The following HCN1 variants were observed in gnomAD, a reference collection of about 807,000 sequenced individuals.
HCN1 encodes hyperpolarization activated cyclic nucleotide gated potassium channel 1.
In HCN1, 13 loss-of-function variants were observed where a neutral mutation model predicts 78.9. The observed-to-expected ratio is 0.16, with a 90% CI of 0.11 to 0.26. The LOEUF is 0.26. Ranked by LOEUF, HCN1 falls within the 10% of genes least tolerant of loss-of-function variation. The probability of loss-of-function intolerance (pLI) is 1.00; values close to 1 mark genes in which losing one functional copy is unlikely to be tolerated. For missense variants in HCN1, 810 were observed against 1,154.3 expected (o/e 0.70, Z 4.32); for synonymous variants, 552 against 455.5 (o/e 1.21, Z -2.70).
At chr5:45,360,540 C>T (rs1259879037) in intron 4 of HCN1, among the ~76,000 whole-genome samples, 1 of 151,970 alleles carries the variant, frequency 6.6e-6, no homozygotes, top group Non-Finnish European at 1.5e-5. Context: ...ATTCATTTAA[C>T]AAGTATTGTT....
At chr5:45,567,409 A>G (rs1743730061) in intron 2 of HCN1, among the ~76,000 whole-genome samples, 1 of 152,120 alleles carries the variant, frequency 6.6e-6, no homozygotes, top group South Asian at 2.1e-4. Context: ...GAATATCCAT[A>G]AAAAAGGAAG....
rs147799371 is a variant in HCN1 at position 45,316,978 on chromosome 5, G to T, written c.1378-13139C>A. On this transcript the variant is annotated intron_variant, in intron 5 of 7. Transcript: ENST00000303230. ...TAGGAAGAATCAATATTGTGTAAAT[G>T]GCCATACTGCCCAAGGTAACTTATT... Among the ~76,000 whole-genome samples the T allele has an allele frequency of 1.9e-3, 282 of 152,236 alleles. 3 individuals are homozygous for T. In the East Asian group the frequency reaches 0.019, roughly 10 times the overall value.
rs1010537360 is a variant in HCN1, at chr5:45,643,293, C to G, written c.849+1892G>C. On this transcript the variant is annotated intron_variant, in intron 2 of 7. Transcript: ENST00000303230. ...ATCCTGCTGCCATTCTCTAGGGTAA[C>G]TGGGCTAAAACCACAAGATATTAAA... 3.3e-5 allele frequency: 5 copies of G among 152,162 alleles called. No individual in the cohort carries two copies. In the East Asian group the frequency reaches 9.7e-4, roughly 29 times the overall value. 9.4% of individuals were successfully genotyped at this position (152,162 alleles called of 1,614,324 possible).
intron 5 of HCN1, among the ~76,000 whole-genome samples, chr5:45,317,192 C>A (rs1746012672): frequency 6.6e-6 from 1 of 152,156 alleles, no homozygotes; most frequent in Non-Finnish European, 1.5e-5. Flanking sequence ...GTAACCAAAA[C>A]AGCATGATAC....
intron 2 of HCN1, among the ~76,000 whole-genome samples, chr5:45,547,823 C>T (rs1743260045): frequency 6.6e-6 from 1 of 151,842 alleles, no homozygotes; most frequent in African/African-American, 2.4e-5. Context: ...AGAAAAGAGA[C>T]ATTCCACTAG....
At chr5:45,668,496 T>C (rs888731299) in intron 1 of HCN1, among the ~76,000 whole-genome samples, 8 of 151,946 alleles carry the variant, frequency 5.3e-5, no homozygotes, top group African/African-American at 1.4e-4. Flanking sequence ...TGTGAGTCAA[T>C]TAAATTTCTT....
intron 2 of HCN1, among the ~76,000 whole-genome samples, chr5:45,571,799 A>T (rs1007749464): frequency 2.0e-5 from 3 of 151,996 alleles, no homozygotes; most frequent in Non-Finnish European, 4.4e-5. Flanking sequence ...CTGTAATCCC[A>T]CCTATTTGGG....
intron 2 of HCN1, among the ~76,000 whole-genome samples, chr5:45,607,473 A>C (rs942306810): frequency 2.6e-5 from 4 of 151,534 alleles, no homozygotes; most frequent in Non-Finnish European, 5.9e-5. Context: ...GGAATGTAAA[A>C]TACAAGTTTG....
At chr5:45,319,814 C>A (rs1277810749) in intron 5 of HCN1, among the ~76,000 whole-genome samples, 3 of 151,632 alleles carry the variant, frequency 2.0e-5, no homozygotes, top group South Asian at 2.1e-4. Flanking sequence ...TACTCTGAAA[C>A]TTTAAGAAAT....
chr5:45,611,828 A>G (rs1018279481), intron 2 of HCN1, among the ~76,000 whole-genome samples: 1 of 152,172 alleles, frequency 6.6e-6, no homozygotes, highest in Non-Finnish European at 1.5e-5. Context: ...TTTTAAGAAA[A>G]TTATCATGGA....
intron 2 of HCN1, among the ~76,000 whole-genome samples, chr5:45,585,568 G>A (rs1292828658): frequency 2.6e-5 from 4 of 152,136 alleles, no homozygotes; most frequent in African/African-American, 9.7e-5. Flanking sequence ...TTGCTGGTGA[G>A]GAGCTGCGTT....
At chr5:45,645,031 A>AAT (rs1745522300) in intron 2 of HCN1, 154 bp downstream of exon 2, 1 of 607,582 alleles carries the variant, frequency 1.6e-6, no homozygotes, top group Non-Finnish European at 2.9e-6. Context: ...TAGGGATACA[A>AAT]ATATATCACT....
chr5:45,291,540 C>A (rs545739294), intron 6 of HCN1, among the ~76,000 whole-genome samples: 2 of 151,894 alleles, frequency 1.3e-5, no homozygotes, highest in Non-Finnish European at 2.9e-5. Context: ...AGCTTTCTCT[C>A]TTTTTTATTT....
At chr5:45,492,296 A>G (rs1005852532) in intron 2 of HCN1, among the ~76,000 whole-genome samples, 9 of 140,944 alleles carry the variant, frequency 6.4e-5, no homozygotes, top group East Asian at 4.2e-4. Flanking sequence ...AACTCTGTGT[A>G]TGTGTGTGTG....
At chr5:45,301,612 C>T (rs1256191882) in intron 6 of HCN1, among the ~76,000 whole-genome samples, 2 of 150,020 alleles carry the variant, frequency 1.3e-5, no homozygotes, top group Admixed American at 1.3e-4. Context: ...GTCCCAGCTA[C>T]TAGGGAGGCT....
intron 5 of HCN1, among the ~76,000 whole-genome samples, chr5:45,319,702 T>G (rs1472783500): frequency 1.3e-5 from 2 of 151,762 alleles, no homozygotes; most frequent in East Asian, 3.9e-4. Context: ...CCTGGTTTTT[T>G]TTTTAGCTTT....
chr5:45,372,534 CATTTACATATAA>C, intron 4 of HCN1, among the ~76,000 whole-genome samples: 1 of 118,682 alleles, frequency 8.4e-6, no homozygotes, highest in East Asian at 2.5e-4. Context: ...ATATATAAAA[CATTTACATATAA>C]AAATATATAA....
intron 2 of HCN1, among the ~76,000 whole-genome samples, chr5:45,608,355 G>A (rs1744764778): frequency 7.2e-6 from 1 of 139,312 alleles, no homozygotes; most frequent in South Asian, 2.5e-4. Context: ...TAGGATGGGT[G>A]TATGTGTGTG....
intron 3 of HCN1, among the ~76,000 whole-genome samples, chr5:45,431,257 CTCT>C (rs1196458061): frequency 6.6e-6 from 1 of 151,996 alleles, no homozygotes; most frequent in Non-Finnish European, 1.5e-5. Context: ...TGAAAAGTGT[CTCT>C]TCATGTCCTT....
Sources: gnomAD v4.1 joint callset for allele counts (sites outside exome capture counted in the v4.1 genomes callset) on GRCh38, gnomAD v4.1.1 for gene constraint, MANE v1.5 for transcripts, NCBI Gene and HGNC (gene_info 2026-07-23, HGNC 2026-07-21) for gene names.